Variants in PLA2G4A observed in about 807,000 individuals in gnomAD.
The protein encoded by PLA2G4A is phospholipase A2 group IVA.
In PLA2G4A, 40 loss-of-function variants were observed where a neutral mutation model predicts 81.9. The observed-to-expected ratio is 0.49, with a 90% confidence interval of 0.38 to 0.64. The LOEUF (loss-of-function observed/expected upper bound fraction) is 0.64, where lower values mean the gene tolerates loss of function less well. PLA2G4A is among the 30% of genes least tolerant of loss of function. PLA2G4A has a pLI of 0.00. For missense variants in PLA2G4A, 715 were observed against 905.1 expected, an observed-to-expected ratio of 0.79 and a Z score of 2.69; for synonymous variants, 302 against 296.9, an observed-to-expected ratio of 1.02 and a Z score of -0.18.
chr1:186,853,475 C>T (rs896836459), intron 1 of PLA2G4A, among the ~76,000 whole-genome samples: 14 of 151,236 alleles, frequency 9.3e-5, no homozygotes, highest in South Asian at 2.1e-4. Flanking sequence ...AAATTTAAAA[C>T]GAATTTGATT....
chr1:186,900,880 C>T (rs1654513098), intron 5 of PLA2G4A, among the ~76,000 whole-genome samples: 2 of 152,278 alleles, frequency 1.3e-5, no homozygotes, highest in Admixed American at 1.3e-4. Flanking sequence ...CCTCATGGCT[C>T]CTGTGGCATC....
At chr1:186,866,816 T>C (rs942432995) in intron 2 of PLA2G4A, among the ~76,000 whole-genome samples, 1 of 152,154 alleles carries the variant, frequency 6.6e-6, no homozygotes, top group Non-Finnish European at 1.5e-5. Flanking sequence ...TGGTTCCTTT[T>C]GTGGAGAAAG....
In PLA2G4A at chr1:186,988,803, GTTC is replaced by G; in HGVS notation, c.*298_*300del. On this transcript the variant is annotated 3_prime_UTR_variant, in exon 18 of 18. Transcript: ENST00000367466. Reference sequence around the variant, plus strand: ...ATTTCTCACCAACTTTCTTATGTGTGTTCTTTTTAAAAATTTTTTTTCTTTTAA... The same window carrying G: ...ATTTCTCACCAACTTTCTTATGTGTGTTTTTAAAAATTTTTTTTCTTTTAA... 4.4e-6 allele frequency: 1 copy of G among 229,106 alleles called. No homozygotes were observed. Among genetic ancestry groups the G allele is most frequent in the Non-Finnish European group, 8.8e-6 (1 of 113,488 alleles). 14.2% of individuals were successfully genotyped at this position (229,106 alleles called of 1,614,324 possible). A position where few individuals can be genotyped will look rare whatever the true frequency, so the allele number is the denominator to read the frequency against.
intron 3 of PLA2G4A, among the ~76,000 whole-genome samples, chr1:186,872,720 A>T (rs905308329): frequency 2.6e-5 from 4 of 152,126 alleles, no homozygotes; most frequent in African/African-American, 9.7e-5. Flanking sequence ...GAAAAAAGTA[A>T]TGCTGAAAGT....
At chr1:186,981,627 G>T (rs1262478540) in intron 17 of PLA2G4A, among the ~76,000 whole-genome samples, 1 of 152,082 alleles carries the variant, frequency 6.6e-6, no homozygotes, top group Non-Finnish European at 1.5e-5. Context: ...GTGGCATTAA[G>T]TACATTGCAT....
chr1:186,986,869 C>T (rs1277899990), intron 17 of PLA2G4A, among the ~76,000 whole-genome samples: 1 of 152,194 alleles, frequency 6.6e-6, no homozygotes, highest in Non-Finnish European at 1.5e-5. Context: ...CTTCATAGAT[C>T]TGAAGCATCT....
chr1:186,885,335 T>A (rs1441033986), intron 3 of PLA2G4A, among the ~76,000 whole-genome samples: 2 of 152,076 alleles, frequency 1.3e-5, no homozygotes, highest in African/African-American at 4.8e-5. Context: ...GCCTAATAAA[T>A]ACCCTTGACT....
chr1:186,858,918 CGTGTGTGT>C (rs142558787), intron 2 of PLA2G4A, among the ~76,000 whole-genome samples: 4 of 147,876 alleles, frequency 2.7e-5, no homozygotes, highest in Admixed American at 1.4e-4. Flanking sequence ...TGGGTGTGTG[CGTGTGTGT>C]GTGTGTGTGT....
intron 17 of PLA2G4A, among the ~76,000 whole-genome samples, chr1:186,985,288 G>A (rs1251159030): frequency 1.3e-5 from 2 of 152,040 alleles, no homozygotes; most frequent in African/African-American, 4.8e-5. Context: ...AACCTCTAGT[G>A]AGCACCTTCT....
Position 186,969,331 on chromosome 1 carries a change from A to G in PLA2G4A, c.1764+3738A>G, listed in dbSNP as rs1657259770. 1.3e-5 allele frequency among the ~76,000 whole-genome samples: 2 copies of G among 151,816 alleles called. 1 individual carries two copies. The highest frequency in any genetic ancestry group is 4.1e-4 in the South Asian group (2 of 4,828). On this transcript the variant is annotated intron_variant, in intron 15 of 17. Coordinates refer to ENST00000367466, the MANE Select transcript of PLA2G4A (RefSeq NM_024420.3). Reference sequence around the variant, plus strand: ...TGGGGTACATGTCAAATTTGATACAATCATATGTGGAAAGATCAATTAGGG... The same window carrying G: ...TGGGGTACATGTCAAATTTGATACAGTCATATGTGGAAAGATCAATTAGGG...
At chr1:186,852,101 A>G (rs1428614887) in intron 1 of PLA2G4A, among the ~76,000 whole-genome samples, 1 of 151,972 alleles carries the variant, frequency 6.6e-6, no homozygotes, top group Non-Finnish European at 1.5e-5. Context: ...TTCATTATTT[A>G]ACAAATATGT....
At chr1:186,898,848 A>G (rs1056663922) in intron 5 of PLA2G4A, among the ~76,000 whole-genome samples, 6 of 152,214 alleles carry the variant, frequency 3.9e-5, no homozygotes, top group African/African-American at 1.4e-4. Context: ...ATATTTATGT[A>G]TAATAAATGG....
intron 5 of PLA2G4A, among the ~76,000 whole-genome samples, chr1:186,905,427 T>G (rs896350885): frequency 6.6e-6 from 1 of 151,674 alleles, no homozygotes; most frequent in African/African-American, 2.4e-5. Flanking sequence ...GCTTTACCCA[T>G]ATCTTGCTTT....
At chr1:186,943,923 T>G (rs6668908) in intron 10 of PLA2G4A, among the ~76,000 whole-genome samples, 102,318 of 152,062 alleles carry the variant, frequency 0.67, 34,807 homozygotes, top group East Asian at 0.84. Flanking sequence ...TTTGAAAAAG[T>G]CACTTTGGTG....
At position 186,949,672 on chromosome 1, in the gene PLA2G4A, C is replaced by T. The variant is rs76905854; in HGVS notation, c.1265-985C>T. On this transcript the variant is annotated intron_variant, in intron 12 of 17. Coordinates refer to ENST00000367466, the MANE Select transcript of PLA2G4A (RefSeq NM_024420.3). ...ATAAATGTCAATCCATTGCCTTAAG[C>T]ATTTATTAACCCTTCCATTACTAAC... 6.6e-3 allele frequency among the ~76,000 whole-genome samples: 1,010 copies of T among 152,118 alleles called. 12 individuals carry two copies. The highest frequency in any genetic ancestry group is 0.023 in the African/African-American group (966 of 41,518).
intron 1 of PLA2G4A, among the ~76,000 whole-genome samples, chr1:186,830,940 T>A (rs12097836): frequency 0.41 from 40,582 of 98,262 alleles, 6,085 homozygotes; most frequent in East Asian, 0.58. Context: ...TTGTATAGCT[T>A]GCTTGCTTGC....
chr1:186,964,233 A>G (rs1657053877), intron 14 of PLA2G4A, among the ~76,000 whole-genome samples: 1 of 152,244 alleles, frequency 6.6e-6, no homozygotes, highest in Admixed American at 6.5e-5. Context: ...AAGGGAACAG[A>G]GCACAACAGC....
chr1:186,852,502 C>G (rs948551539), intron 1 of PLA2G4A, among the ~76,000 whole-genome samples: 1 of 152,014 alleles, frequency 6.6e-6, no homozygotes, highest in African/African-American at 2.4e-5. Flanking sequence ...GTTTTGGAAG[C>G]TGGGAAGTCC....
intron 5 of PLA2G4A, among the ~76,000 whole-genome samples, chr1:186,903,826 T>A (rs1396301807): frequency 2.0e-5 from 3 of 152,186 alleles, no homozygotes; most frequent in African/African-American, 7.2e-5. Context: ...AAGTGCACAA[T>A]AAATGTAATG....
Sources: allele counts gnomAD v4.1 joint callset (sites outside exome capture counted in the v4.1 genomes callset), GRCh38; gene constraint gnomAD v4.1.1; transcripts MANE v1.5; gene names NCBI Gene and HGNC (gene_info 2026-07-23, HGNC 2026-07-21).